PDZD8: variants seen among roughly 807,000 people sequenced by gnomAD.
PDZD8 encodes the protein PDZ domain containing 8, also known as PDZ domain-containing protein 8.
A neutral mutation model predicts 85.8 loss-of-function variants in PDZD8; 14 were observed. The ratio of observed to expected loss-of-function variants is 0.16; its 90% confidence interval spans 0.11 to 0.26. PDZD8 has a LOEUF of 0.26. PDZD8 is among the 10% of genes least tolerant of loss of function. The probability of loss-of-function intolerance (pLI) is 1.00; values close to 1 mark genes in which losing one functional copy is unlikely to be tolerated. For missense variants in PDZD8, 1,197 were observed against 1,424.3 expected (o/e 0.84, Z 2.57); for synonymous variants, 592 against 568.6 (o/e 1.04, Z -0.59).
rs1214134048 is a variant in PDZD8, at chr10:117,318,953, A to G, written c.1017T>C (p.Tyr339=). 6.2e-6 allele frequency: 10 copies of G among 1,611,172 alleles called. No homozygotes were observed. The highest frequency in any genetic ancestry group is 8.5e-6 in the Non-Finnish European group (10 of 1,177,870). Reference sequence around the variant, plus strand: ...TGCAATGAACATTTGCCTCTCTGTCATAGGATCCAAAAATGAGTAACCTGC... The same window carrying G: ...TGCAATGAACATTTGCCTCTCTGTCGTAGGATCCAAAAATGAGTAACCTGC... The part of the protein sequence containing the change: ...ECSRLLIFGS[Y]DREANVHCTL... The change falls in exon 3 of 5, where the codon TAT becomes TAC. Residue 339 remains tyrosine, a synonymous_variant. Transcript: ENST00000334464.
chr10:117,336,345 C>A (rs1351587072), intron 2 of PDZD8, among the ~76,000 whole-genome samples: 1 of 152,138 alleles, frequency 6.6e-6, no homozygotes, highest in Admixed American at 6.5e-5. Context: ...TATGTGTATG[C>A]ATGTATAAGT....
At chr10:117,299,874 A>G (rs966712447) in intron 3 of PDZD8, among the ~76,000 whole-genome samples, 4 of 152,142 alleles carry the variant, frequency 2.6e-5, no homozygotes, top group African/African-American at 9.7e-5. Context: ...GGGGTTTTAT[A>G]GAACCTTGAG....
intron 1 of PDZD8, among the ~76,000 whole-genome samples, chr10:117,343,962 C>T (rs1324480399): frequency 1.3e-5 from 2 of 152,192 alleles, no homozygotes; most frequent in Non-Finnish European, 2.9e-5. Flanking sequence ...CTACCTCTAT[C>T]ACTTTCTTTT....
rs363293 is a variant in PDZD8, at chr10:117,283,250, C to T, written c.*18G>A. 0.99 allele frequency: 1,568,690 copies of T among 1,583,242 alleles called. 778,037 individuals carry two copies. The highest frequency in any genetic ancestry group is 1 in the East Asian group (44,708 of 44,708). ...CAACTTTACCCTGTTCATTTGAAAGCTTAAATAGACCTGTCTGCTACACAG... is the reference window on the plus strand; with the variant it reads ...CAACTTTACCCTGTTCATTTGAAAGTTTAAATAGACCTGTCTGCTACACAG... On this transcript the variant is annotated 3_prime_UTR_variant, in exon 5 of 5. Coordinates refer to ENST00000334464, the MANE Select transcript of PDZD8 (RefSeq NM_173791.5).
chr10:117,364,641 A>C (rs1845057909), intron 1 of PDZD8, among the ~76,000 whole-genome samples: 1 of 152,040 alleles, frequency 6.6e-6, no homozygotes, highest in Admixed American at 6.6e-5. Context: ...CTGTGGGAAA[A>C]ACACTCCAGA....
chr10:117,316,675 G>A (rs921420097), intron 3 of PDZD8, among the ~76,000 whole-genome samples: 1 of 152,184 alleles, frequency 6.6e-6, no homozygotes, highest in African/African-American at 2.4e-5. Flanking sequence ...GGGTGACAGA[G>A]CGAGACCCTG....
chr10:117,311,163 T>C (rs1254616136), intron 3 of PDZD8, among the ~76,000 whole-genome samples: 1 of 152,186 alleles, frequency 6.6e-6, no homozygotes, highest in African/African-American at 2.4e-5. Flanking sequence ...TTTGATGTGT[T>C]TAGTAATGCC....
At chr10:117,316,011 C>T (rs1387833344) in intron 3 of PDZD8, among the ~76,000 whole-genome samples, 4 of 152,152 alleles carry the variant, frequency 2.6e-5, no homozygotes, top group African/African-American at 9.7e-5. Flanking sequence ...ATTGCACTGT[C>T]TCTTTCTGGT....
chr10:117,320,784 C>CA (rs1844214587), intron 2 of PDZD8, among the ~76,000 whole-genome samples: 2 of 151,798 alleles, frequency 1.3e-5, no homozygotes, highest in African/African-American at 4.8e-5. Context: ...GCCTAGTATC[C>CA]AAAAAACATA....
At chr10:117,308,515 G>T (rs1006106852) in intron 3 of PDZD8, among the ~76,000 whole-genome samples, 1 of 151,948 alleles carries the variant, frequency 6.6e-6, no homozygotes, top group African/African-American at 2.4e-5. Flanking sequence ...TTATGCTAAG[G>T]GTTTTACATA....
At chr10:117,326,816 T>C (rs1033262391) in intron 2 of PDZD8, among the ~76,000 whole-genome samples, 2 of 152,186 alleles carry the variant, frequency 1.3e-5, no homozygotes, top group East Asian at 1.9e-4. Context: ...ATCTGTGCAG[T>C]TGCAGACACT....
chr10:117,327,969 CA>C (rs1844345854), intron 2 of PDZD8, among the ~76,000 whole-genome samples: 1 of 152,100 alleles, frequency 6.6e-6, no homozygotes. Context: ...GCATTATTAC[CA>C]CTCTAATAAA....
rs780821393 is a variant in PDZD8, at chr10:117,284,407, T to C, written c.2326A>G (p.Met776Val). The C allele has an allele frequency of 1.9e-6, 3 of 1,614,228 alleles. No homozygotes were observed. The highest frequency in any genetic ancestry group is 4.5e-5 in the East Asian group (2 of 44,886). ...VTRTALRNLS[M>V]QKGFNDKFCY... ...AATTTGTCATTGAATCCCTTTTGCATACTCAGATTGCGTAGTGCGGTTCTA... is the reference window on the plus strand; with the variant it reads ...AATTTGTCATTGAATCCCTTTTGCACACTCAGATTGCGTAGTGCGGTTCTA... Residue 776 changes from methionine (M) to valine (V), a missense_variant, in exon 5 of 5, where the codon ATG (methionine) becomes GTG (valine). Physicochemically the swap from Met to Val is conservative, Grantham distance 21. Coordinates refer to ENST00000334464, the MANE Select transcript of PDZD8 (RefSeq NM_173791.5).
At chr10:117,352,338 T>C (rs373477549) in intron 1 of PDZD8, among the ~76,000 whole-genome samples, 8 of 152,324 alleles carry the variant, frequency 5.3e-5, no homozygotes, top group Middle Eastern at 3.4e-3. Context: ...AGTTTTCAGA[T>C]CAATACGAGA....
chr10:117,290,682 A>G (rs1280279193), intron 3 of PDZD8, among the ~76,000 whole-genome samples: 2 of 152,232 alleles, frequency 1.3e-5, no homozygotes, highest in East Asian at 3.9e-4. Flanking sequence ...GAACTATTCT[A>G]TATATTTTCT....
chr10:117,340,916 C>A, intron 2 of PDZD8, 64 bp downstream of exon 2: 1 of 1,564,966 alleles, frequency 6.4e-7, no homozygotes. Context: ...ACAAATACTG[C>A]TTAGGAATAT....
chr10:117,363,975 T>G (rs1306482442), intron 1 of PDZD8, among the ~76,000 whole-genome samples: 1 of 152,194 alleles, frequency 6.6e-6, no homozygotes, highest in Non-Finnish European at 1.5e-5. Context: ...AAGTATAATC[T>G]ACAGTTTATC....
At chr10:117,334,050 T>A (rs1844474725) in intron 2 of PDZD8, among the ~76,000 whole-genome samples, 1 of 152,188 alleles carries the variant, frequency 6.6e-6, no homozygotes, top group African/African-American at 2.4e-5. Flanking sequence ...TTAACAGTAG[T>A]GAAGTGTCAC....
At chr10:117,321,617 A>C (rs1844226409) in intron 2 of PDZD8, among the ~76,000 whole-genome samples, 1 of 152,186 alleles carries the variant, frequency 6.6e-6, no homozygotes, top group Non-Finnish European at 1.5e-5. Flanking sequence ...TGTATATTTT[A>C]AATGGGTGAA....
Sources: gnomAD v4.1 joint callset for allele counts (sites outside exome capture counted in the v4.1 genomes callset) on GRCh38, gnomAD v4.1.1 for gene constraint, MANE v1.5 for transcripts, NCBI Gene and HGNC (gene_info 2026-07-23, HGNC 2026-07-21) for gene names.